The following CYP4F12 variants were observed in gnomAD, a reference collection of about 807,000 sequenced individuals.
CYP4F12 encodes cytochrome P450 family 4 subfamily F member 12.
In CYP4F12, 60 loss-of-function variants were observed where a neutral mutation model predicts 56.5. The ratio of observed to expected loss-of-function variants is 1.06; its 90% CI spans 0.86 to 1.32. The LOEUF is 1.32. Among genes scored for constraint, CYP4F12 ranks in the 40% most tolerant of loss-of-function variants. CYP4F12 has a pLI of 0.00. For missense variants in CYP4F12, 711 were observed against 683.5 expected (o/e 1.04, Z -0.45); for synonymous variants, 263 against 264.9 (o/e 0.99, Z 0.07).
chr19:15,685,911 A>C (rs926954973), intron 9 of CYP4F12, among the ~76,000 whole-genome samples: 2 of 152,224 alleles, frequency 1.3e-5, no homozygotes, highest in African/African-American at 4.8e-5. Context: ...TCTTTTGTCT[A>C]GAACACCTGC....
intron 2 of CYP4F12, among the ~76,000 whole-genome samples, chr19:15,677,124 TTCATATCCTCAC>T (rs2006989137): frequency 9.5e-6 from 1 of 105,750 alleles, no homozygotes; most frequent in African/African-American, 3.4e-5. Flanking sequence ...CACTCACTCA[TTCATATCCTCAC>T]TCACTCATTC....
chr19:15,696,113 G>T, intron 10 of CYP4F12, 44 bp downstream of exon 10: 1 of 1,610,794 alleles, frequency 6.2e-7, no homozygotes, highest in South Asian at 1.1e-5. Flanking sequence ...GTAGGAAGAT[G>T]GTTCCCTCAG....
At chr19:15,695,824 C>T (rs2008103638) in intron 9 of CYP4F12, 112 bp from the exon 10 acceptor site, 4 of 1,416,746 alleles carry the variant, frequency 2.8e-6, no homozygotes, top group Middle Eastern at 2.0e-4. Context: ...ATGTTTGATC[C>T]CCGTGGAGTT....
Position 15,683,433 on chromosome 19 carries a change from G to A in CYP4F12, c.648-60G>A, listed in dbSNP as rs10402391. ...GGTAGCTCCTGGCTGCTGGTGGGAG[G>A]TGTTCCTGGGGCTTTGCATACGTTA... On this transcript the variant is annotated intron_variant, in intron 6 of 12. Coordinates refer to ENST00000550308, the MANE Select transcript of CYP4F12 (RefSeq NM_023944.4). 2.0e-3 allele frequency: 3,021 copies of A among 1,515,320 alleles called. 52 individuals carry two copies. In the African/African-American group the frequency reaches 0.037, roughly 19 times the overall value. 93.9% of individuals were successfully genotyped at this position (1,515,320 alleles called of 1,614,324 possible). A position where few individuals can be genotyped will look rare whatever the true frequency, so the allele number is the denominator to read the frequency against.
At chr19:15,673,219 G>C (rs2006711509) in intron 1 of CYP4F12, 84 bp downstream of exon 1, 1 of 521,980 alleles carries the variant, frequency 1.9e-6, no homozygotes, top group Admixed American at 2.3e-5. Flanking sequence ...GCTCCAAGAT[G>C]CTGGCATGGG....
intron 7 of CYP4F12, chr19:15,683,978 A>C (rs535797297): frequency 1.8e-4 from 84 of 468,762 alleles, no homozygotes; most frequent in African/African-American, 1.6e-3. Context: ...TATTTTATTC[A>C]ACTTATAAGT....
rs546117855 is a variant in CYP4F12 at position 15,688,652 on chromosome 19, G to A, written c.1115+3455G>A. 9.5e-4 allele frequency among the ~76,000 whole-genome samples: 145 copies of A among 152,228 alleles called. 2 individuals are homozygous for A. Among genetic ancestry groups the A allele is most frequent in the African/African-American group, 3.3e-3 (139 of 41,552 alleles). On this transcript the variant is annotated intron_variant, in intron 9 of 12. Coordinates refer to ENST00000550308, the MANE Select transcript of CYP4F12 (RefSeq NM_023944.4). ...CCAAAACAGAGCCTGTGTAGTCAAA[G>A]CAATACCAAGCAAAAAGAAAAAATT...
chr19:15,678,770 G>A (rs1363620601), intron 3 of CYP4F12, among the ~76,000 whole-genome samples: 8 of 152,214 alleles, frequency 5.3e-5, no homozygotes, highest in African/African-American at 9.6e-5. Context: ...TTGGAGCTAT[G>A]TCTAGACCAA....
At chr19:15,695,022 A>C (rs1471715378) in intron 9 of CYP4F12, among the ~76,000 whole-genome samples, 2 of 152,164 alleles carry the variant, frequency 1.3e-5, no homozygotes, top group African/African-American at 4.8e-5. Context: ...AAAGGACTAT[A>C]AATCATGCGG....
Position 15,673,603 on chromosome 19 carries a change from T to A in CYP4F12, c.74T>A (p.Val25Asp), listed in dbSNP as rs1418518729. The A allele has an allele frequency of 6.2e-7, 1 of 1,614,096 alleles. No homozygotes were observed. Among genetic ancestry groups the A allele is most frequent in the South Asian group, 1.1e-5 (1 of 91,082 alleles). ...TCCCCATGGCTACTCCTGCTGCTGGTTGTGGGCTCCTGGCTACTCGCCCGC... is the reference window on the plus strand; with the variant it reads ...TCCCCATGGCTACTCCTGCTGCTGGATGTGGGCTCCTGGCTACTCGCCCGC... ...ATSPWLLLLL[V>D]VGSWLLARIL... Residue 25 changes from valine (V) to aspartate (D), a missense_variant, in exon 2 of 13, where the codon GTT becomes GAT. Physicochemically the swap from Val to Asp is radical, Grantham distance 152. Coordinates refer to ENST00000550308, the MANE Select transcript of CYP4F12 (RefSeq NM_023944.4).
intron 9 of CYP4F12, among the ~76,000 whole-genome samples, chr19:15,688,883 G>T (rs1412418792): frequency 6.6e-6 from 1 of 152,164 alleles, no homozygotes; most frequent in East Asian, 1.9e-4. Flanking sequence ...AATAAATGGT[G>T]CTGGGAAAAC....
At chr19:15,677,110 TGC>T (rs2006987271) in intron 2 of CYP4F12, among the ~76,000 whole-genome samples, 1 of 118,372 alleles carries the variant, frequency 8.4e-6, no homozygotes, top group Non-Finnish European at 1.8e-5. Context: ...CTCATTCCTC[TGC>T]TCACTCACTC....
intron 7 of CYP4F12, 60 bp from the exon 8 acceptor site, chr19:15,684,756 T>TTGTGTGTG (rs3063212): frequency 0.023 from 23,500 of 1,036,926 alleles, 196 homozygotes; most frequent in Middle Eastern, 0.037. Context: ...ATAGTATAAT[T>TTGTGTGTG]TGTGTGTGTG....
At position 15,677,691 on chromosome 19, in the gene CYP4F12, T is replaced by TA. The variant is rs2007038537; in HGVS notation, c.199-570_199-569insA. ...TCCTCTCCTCACTCACTCATTCCTC[T>TA]CCTCCCTCACTTATTCCTCTACCCA... is the stretch of plus-strand genomic sequence containing the variant. On this transcript the variant is annotated intron_variant, in intron 2 of 12. Coordinates refer to ENST00000550308, the MANE Select transcript of CYP4F12 (RefSeq NM_023944.4). Among the ~76,000 whole-genome samples the TA allele has an allele frequency of 2.3e-4, 15 of 63,864 alleles. 1 individual carries two copies. Among genetic ancestry groups the TA allele is most frequent in the African/African-American group, 8.8e-4 (15 of 17,132 alleles). 41.9% of individuals were successfully genotyped at this position (63,864 alleles called of 152,430 possible). A position where few individuals can be genotyped will look rare whatever the true frequency, so the allele number is the denominator to read the frequency against.
chr19:15,686,712 A>T (rs1462868837), intron 9 of CYP4F12, among the ~76,000 whole-genome samples: 1 of 152,098 alleles, frequency 6.6e-6, no homozygotes, highest in East Asian at 1.9e-4. Context: ...GGGGCAGGTC[A>T]TATCTGGGCA....
At chr19:15,675,718 C>G (rs940527950) in intron 2 of CYP4F12, among the ~76,000 whole-genome samples, 2 of 152,208 alleles carry the variant, frequency 1.3e-5, no homozygotes, top group Admixed American at 1.3e-4. Flanking sequence ...AAACCCACTG[C>G]AGCTGCTGAG....
rs561727863 is a variant in CYP4F12 at position 15,695,862 on chromosome 19, A to C, written c.1116-74A>C. 5.2e-6 allele frequency: 8 copies of C among 1,533,510 alleles called. No individual in the cohort carries two copies. The Admixed American group carries it at 9.5e-5, about 18-fold the overall frequency. The allele number at this position is 1,533,510 out of a possible 1,614,324, so 95.0% of individuals were successfully genotyped here. A position where few individuals can be genotyped will look rare whatever the true frequency, so the allele number is the denominator to read the frequency against. On this transcript the variant is annotated intron_variant, in intron 9 of 12. Coordinates refer to ENST00000550308, the MANE Select transcript of CYP4F12 (RefSeq NM_023944.4). ...TTTTGTGATAGGGAGAAAAGGTCTCATTTGCAAATAGAAAAGGTGGAGAGT... is the reference window on the plus strand; with the variant it reads ...TTTTGTGATAGGGAGAAAAGGTCTCCTTTGCAAATAGAAAAGGTGGAGAGT...
rs1489184400 is a variant in CYP4F12 at position 15,685,192 on chromosome 19, T to TG, written c.1111dup (p.Glu371GlyfsTer68). 1 of 1,613,614 alleles carries TG rather than the reference T, an allele frequency of 6.2e-7. No individual in the cohort carries two copies. The highest frequency in any genetic ancestry group is 2.2e-5 in the East Asian group (1 of 44,848). On this transcript the variant is annotated frameshift_variant, in exon 9 of 13. Transcript: ENST00000550308. LOFTEE classifies it high-confidence loss of function. Reference sequence around the variant, plus strand: ...TGAAGGACCGCGATCCTAAAGAGATTGAATGGTGAGTGCAAGTTCTTCTGG... The same window carrying TG: ...TGAAGGACCGCGATCCTAAAGAGATTGGAATGGTGAGTGCAAGTTCTTCTGG...
At chr19:15,679,890 T>C (rs1429529709) in intron 3 of CYP4F12, among the ~76,000 whole-genome samples, 1 of 152,230 alleles carries the variant, frequency 6.6e-6, no homozygotes, top group Non-Finnish European at 1.5e-5. Flanking sequence ...CTCAGGTCCA[T>C]GTCAGGAGAT....
Sources: allele counts gnomAD v4.1 joint callset (sites outside exome capture counted in the v4.1 genomes callset), GRCh38; gene constraint gnomAD v4.1.1; transcripts MANE v1.5; gene names NCBI Gene and HGNC (gene_info 2026-07-23, HGNC 2026-07-21).